STIM1: variants seen among roughly 807,000 people sequenced by gnomAD.
STIM1 encodes the protein stromal interaction molecule 1.
A neutral mutation model predicts 74.7 loss-of-function variants in STIM1; 25 were observed. The ratio of observed to expected loss-of-function variants is 0.33; its 90% CI spans 0.24 to 0.47. The LOEUF (loss-of-function observed/expected upper bound fraction) is 0.47, where lower values mean the gene tolerates loss of function less well. STIM1 is among the 20% of genes least tolerant of loss of function. The pLI is 1.00. For synonymous variants in STIM1, 328 were observed against 348.8 expected, an observed-to-expected ratio of 0.94 and a Z score of 0.66; for missense variants, 728 against 920.8, an observed-to-expected ratio of 0.79 and a Z score of 2.71.
intron 1 of STIM1, among the ~76,000 whole-genome samples, chr11:3,916,119 GA>G (rs2092639185): frequency 6.6e-6 from 1 of 152,154 alleles, no homozygotes; most frequent in Admixed American, 6.5e-5. Context: ...CCAAGGTTAT[GA>G]AGATTTACTC....
At chr11:3,968,613 C>T (rs2093362402) in intron 2 of STIM1, among the ~76,000 whole-genome samples, 1 of 152,152 alleles carries the variant, frequency 6.6e-6, no homozygotes, top group Admixed American at 6.6e-5. Flanking sequence ...GTCTATGTAC[C>T]ATGCACTGTG....
At chr11:3,929,283 G>T (rs2092829306) in intron 1 of STIM1, among the ~76,000 whole-genome samples, 1 of 152,198 alleles carries the variant, frequency 6.6e-6, no homozygotes, top group Non-Finnish European at 1.5e-5. Context: ...CTCTAGATTT[G>T]TGTGTTAAGG....
At position 3,916,450 on chromosome 11, in the gene STIM1, A is replaced by ATT. The variant is rs113404071; in HGVS notation, c.140-51084_140-51083dup. 4.9e-3 allele frequency among the ~76,000 whole-genome samples: 620 copies of ATT among 126,076 alleles called. 3 individuals are homozygous for ATT. The highest frequency in any genetic ancestry group is 0.018 in the African/African-American group (589 of 32,738). 82.7% of individuals were successfully genotyped at this position (126,076 alleles called of 152,430 possible). ...CTACAAGCATGTGCCACCACACCCA[A>ATT]TTTTTTTTTTTTTTTTTTTGACGAA... On this transcript the variant is annotated intron_variant, in intron 1 of 12. Transcript: ENST00000526596.
At chr11:4,029,795 G>T (rs1031735431) in intron 3 of STIM1, among the ~76,000 whole-genome samples, 1 of 152,126 alleles carries the variant, frequency 6.6e-6, no homozygotes, top group Admixed American at 6.6e-5. Flanking sequence ...TTAAATGTAT[G>T]TACAGGTCAC....
chr11:3,864,905 A>T (rs538979664), intron 1 of STIM1, among the ~76,000 whole-genome samples: 1 of 152,196 alleles, frequency 6.6e-6, no homozygotes, highest in South Asian at 2.1e-4. Flanking sequence ...TTCATGCATT[A>T]CTTCATTGCT....
intron 1 of STIM1, chr11:3,922,845 C>A (rs1245250365): frequency 6.6e-6 from 1 of 152,162 alleles, no homozygotes; most frequent in African/African-American, 2.4e-5. Context: ...TGCCTGTATT[C>A]CCAGCACTTT....
chr11:3,862,841 T>C lies in STIM1; in HGVS notation c.139+6432T>C, dbSNP rs1487135346. Among the ~76,000 whole-genome samples, 4 of 151,974 alleles carry C rather than the reference T, an allele frequency of 2.6e-5. No homozygotes were observed. The South Asian group carries it at 8.3e-4, about 32-fold the overall frequency. ...TATGTGTGTATAAGATACATACTTA[T>C]ACATATATAAGTATATCTGTAAGTA... On this transcript the variant is annotated intron_variant, in intron 1 of 12. Transcript: ENST00000526596.
At chr11:3,892,615 C>T (rs2091930496) in intron 1 of STIM1, 1 of 1,604,032 alleles carries the variant, frequency 6.2e-7, no homozygotes, top group Non-Finnish European at 8.5e-7. Flanking sequence ...GACCTGTATG[C>T]TTTAGGATGA....
chr11:4,010,517 T>C (rs1008562239), intron 2 of STIM1, among the ~76,000 whole-genome samples: 1 of 152,120 alleles, frequency 6.6e-6, no homozygotes, highest in Non-Finnish European at 1.5e-5. Context: ...CAAAATGCTG[T>C]GCAGGCCAGT....
chr11:3,939,499 G>A (rs2092978182), intron 1 of STIM1, among the ~76,000 whole-genome samples: 1 of 152,108 alleles, frequency 6.6e-6, no homozygotes, highest in African/African-American at 2.4e-5. Context: ...CCTTTTAAAT[G>A]TATGTTTTAC....
chr11:3,981,342 G>T (rs2093503269), intron 2 of STIM1, among the ~76,000 whole-genome samples: 1 of 152,112 alleles, frequency 6.6e-6, no homozygotes, highest in South Asian at 2.1e-4. Context: ...ATTGTAATTG[G>T]GTCCATCCTT....
intron 3 of STIM1, among the ~76,000 whole-genome samples, chr11:4,031,044 T>C (rs915129378): frequency 1.3e-5 from 2 of 152,198 alleles, no homozygotes; most frequent in Non-Finnish European, 2.9e-5. Flanking sequence ...AGTTTTCTCA[T>C]AGTCCTTTGT....
chr11:4,065,101 G>A (rs2094356815), intron 5 of STIM1, among the ~76,000 whole-genome samples: 1 of 152,140 alleles, frequency 6.6e-6, no homozygotes, highest in Non-Finnish European at 1.5e-5. Context: ...TGCCTACAGT[G>A]TGCTTAGTCC....
chr11:4,084,363 C>A (rs1381423378), intron 10 of STIM1, among the ~76,000 whole-genome samples: 1 of 152,232 alleles, frequency 6.6e-6, no homozygotes, highest in Non-Finnish European at 1.5e-5. Flanking sequence ...TGGATTCCCA[C>A]TCGAGACAGA....
chr11:3,921,075 C>A (rs1031456347), intron 1 of STIM1, among the ~76,000 whole-genome samples: 1 of 152,150 alleles, frequency 6.6e-6, no homozygotes, highest in South Asian at 2.1e-4. Flanking sequence ...GGATTACAGA[C>A]GTGAGCCACT....
At chr11:4,014,743 G>A (rs547096519) in intron 2 of STIM1, among the ~76,000 whole-genome samples, 75 of 152,272 alleles carry the variant, frequency 4.9e-4, no homozygotes, top group African/African-American at 1.6e-3. Flanking sequence ...CCTGTATTGG[G>A]TGCATATATA....
chr11:3,878,996 C>T (rs2091402053), intron 1 of STIM1, among the ~76,000 whole-genome samples: 1 of 152,054 alleles, frequency 6.6e-6, no homozygotes, highest in African/African-American at 2.4e-5. Context: ...CGCCCTGTCA[C>T]CCAGGCTGGA....
chr11:3,880,984 C>T (rs1380969300), intron 1 of STIM1, among the ~76,000 whole-genome samples: 1 of 151,402 alleles, frequency 6.6e-6, no homozygotes, highest in Non-Finnish European at 1.5e-5. Context: ...TGGACGGCTG[C>T]AGGATGGGAG....
At chr11:4,000,264 G>C (rs2093701929) in intron 2 of STIM1, among the ~76,000 whole-genome samples, 1 of 117,250 alleles carries the variant, frequency 8.5e-6, no homozygotes, top group Non-Finnish European at 1.9e-5. Context: ...GCAGATCTGA[G>C]AATGGGCAGA....
Sources: allele counts gnomAD v4.1 joint callset (sites outside exome capture counted in the v4.1 genomes callset), GRCh38; gene constraint gnomAD v4.1.1; transcripts MANE v1.5; gene names NCBI Gene and HGNC (gene_info 2026-07-23, HGNC 2026-07-21).